Variants in FMN1 observed in about 807,000 individuals in gnomAD.
FMN1 encodes the protein formin-1.
In FMN1, 110 loss-of-function variants were observed where a neutral mutation model predicts 132.4. The observed-to-expected ratio is 0.83, with a 90% confidence interval of 0.71 to 0.97. The LOEUF (loss-of-function observed/expected upper bound fraction) is 0.97. FMN1 is among the 50% of genes least tolerant of loss of function. FMN1 has a pLI of 0.00. For missense variants in FMN1, 1,792 were observed against 1,705.3 expected (o/e 1.05, Z -0.90); for synonymous variants, 722 against 651.7 (o/e 1.11, Z -1.64).
rs2140856162 is a variant in FMN1, at chr15:32,774,280, C to T, written c.*30G>A. The T allele has an allele frequency of 1.3e-6, 2 of 1,573,396 alleles. No homozygotes were observed. Among genetic ancestry groups the T allele is most frequent in the Non-Finnish European group, 1.7e-6 (2 of 1,149,514 alleles). On this transcript the variant is annotated 3_prime_UTR_variant, in exon 21 of 21. Transcript: ENST00000616417. Reference sequence around the variant, plus strand: ...AGTATGCGTGCAAGGTCCTCCACCTCCAGTGCCATCATTTCCATGTGTCTT... The same window carrying T: ...AGTATGCGTGCAAGGTCCTCCACCTTCAGTGCCATCATTTCCATGTGTCTT...
intron 4 of FMN1, among the ~76,000 whole-genome samples, chr15:33,132,371 G>T (rs145798605): frequency 0.014 from 2,105 of 152,268 alleles, 32 homozygotes; most frequent in Non-Finnish European, 0.022. Flanking sequence ...GAAAGAATCA[G>T]CTAGTCTTTC....
At chr15:32,957,013 G>C (rs981329847) in intron 9 of FMN1, among the ~76,000 whole-genome samples, 2 of 152,050 alleles carry the variant, frequency 1.3e-5, no homozygotes, top group Non-Finnish European at 2.9e-5. Context: ...CAACAGACTA[G>C]TATCTGCTGA....
chr15:32,992,248 C>T (rs986477540), intron 7 of FMN1, among the ~76,000 whole-genome samples: 3 of 152,088 alleles, frequency 2.0e-5, no homozygotes, highest in Non-Finnish European at 4.4e-5. Flanking sequence ...TGGAATTTTA[C>T]AGAAAAATAA....
chr15:33,121,871 AAAAC>A (rs1460765703), intron 4 of FMN1, among the ~76,000 whole-genome samples: 1 of 152,178 alleles, frequency 6.6e-6, no homozygotes, highest in Non-Finnish European at 1.5e-5. Context: ...TAGGAATTTG[AAAAC>A]AAAAAGAAAG....
At chr15:33,066,591 T>C in intron 5 of FMN1, 1 of 1,613,500 alleles carries the variant, frequency 6.2e-7, no homozygotes, top group Non-Finnish European at 8.5e-7. Flanking sequence ...TTCTCATGTC[T>C]CATCTTGCGC....
At position 32,874,322 on chromosome 15, in the gene FMN1, A is replaced by G. The variant is rs192373277; in HGVS notation, c.3835+13850T>C. ...AGGTGTGAGCCACCAAGCCCGGCCT[A>G]TATTAGCTATATATAGCGAATATCA... On this transcript the variant is annotated intron_variant, in intron 16 of 20. Coordinates refer to ENST00000616417, the MANE Select transcript of FMN1 (RefSeq NM_001277313.2). Among the ~76,000 whole-genome samples, 151 of 152,272 alleles carry G rather than the reference A, an allele frequency of 9.9e-4. 4 individuals carry two copies. The highest frequency in any genetic ancestry group is 5.8e-4 in the East Asian group (3 of 5,180).
intron 4 of FMN1, among the ~76,000 whole-genome samples, chr15:33,124,821 T>C (rs979332001): frequency 1.3e-4 from 19 of 150,562 alleles, no homozygotes; most frequent in African/African-American, 4.6e-4. Context: ...CAATACTAGA[T>C]GAAAAAAATG....
In FMN1 at chr15:33,169,996, A is replaced by AAGACGCATTT. The variant is rs564601480; in HGVS notation, c.-132+10201_-132+10202insAAATGCGTCT. On this transcript the variant is annotated intron_variant, in intron 3 of 20. Transcript: ENST00000616417. Reference sequence around the variant, plus strand: ...TCTCAAAAAGCCCAATACCATCAGAAGAAAGACGCATTTAGCTGCATTTAT... The same window carrying AAGACGCATTT: ...TCTCAAAAAGCCCAATACCATCAGAAAGACGCATTTGAAAGACGCATTTAGCTGCATTTAT... 1.9e-4 allele frequency among the ~76,000 whole-genome samples: 29 copies of AAGACGCATTT among 152,236 alleles called. No homozygotes were observed. In the South Asian group the frequency reaches 5.2e-3, roughly 27 times the overall value.
rs191331812 is a variant in FMN1, at chr15:33,053,383, A to G, written c.2161+11574T>C. ...TGGGCACTGCACAGAAGTTGCTCCT[A>G]TGTTGGCACTTGGAGCTGCCAGCCA... is the stretch of plus-strand genomic sequence containing the variant. On this transcript the variant is annotated intron_variant, in intron 6 of 20. Transcript: ENST00000616417. 1.3e-3 allele frequency among the ~76,000 whole-genome samples: 198 copies of G among 152,300 alleles called. 1 individual carries two copies. Among genetic ancestry groups the G allele is most frequent in the African/African-American group, 4.6e-3 (192 of 41,576 alleles).
chr15:33,020,364 G>A (rs1014339123), intron 6 of FMN1, among the ~76,000 whole-genome samples: 6 of 140,910 alleles, frequency 4.3e-5, no homozygotes, highest in Non-Finnish European at 7.8e-5. Context: ...ATAAGACTAT[G>A]TGGCCAGGCG....
chr15:33,109,329 A>C (rs1375710016), intron 4 of FMN1, among the ~76,000 whole-genome samples: 1 of 152,130 alleles, frequency 6.6e-6, no homozygotes, highest in Non-Finnish European at 1.5e-5. Flanking sequence ...ATAAAAATAA[A>C]CAACCAATGA....
chr15:33,062,438 G>A (rs752983321), intron 6 of FMN1, among the ~76,000 whole-genome samples: 7 of 152,056 alleles, frequency 4.6e-5, no homozygotes, highest in Non-Finnish European at 7.4e-5. Flanking sequence ...TGGCCAACAC[G>A]GTGAAACCCC....
chr15:33,076,747 A>G (rs1161320514), intron 5 of FMN1, among the ~76,000 whole-genome samples: 2 of 152,210 alleles, frequency 1.3e-5, no homozygotes, highest in Admixed American at 6.5e-5. Context: ...GTTTCTTTTC[A>G]TGACAATAAA....
intron 4 of FMN1, among the ~76,000 whole-genome samples, chr15:33,143,210 T>C (rs534022099): frequency 1.3e-5 from 2 of 152,298 alleles, no homozygotes; most frequent in South Asian, 4.1e-4. Flanking sequence ...CAGAGATGAA[T>C]AGTTTCAAGG....
chr15:32,963,951 T>C (rs1275115696), intron 9 of FMN1, among the ~76,000 whole-genome samples, 156 bp downstream of exon 9: 2 of 140,158 alleles, frequency 1.4e-5, no homozygotes, highest in Non-Finnish European at 3.1e-5. Flanking sequence ...ACACACAGAA[T>C]ATGTAATAAA....
At chr15:32,995,768 C>T (rs1260633201) in intron 7 of FMN1, among the ~76,000 whole-genome samples, 1 of 152,144 alleles carries the variant, frequency 6.6e-6, no homozygotes, top group African/African-American at 2.4e-5. Flanking sequence ...TTTTAACACG[C>T]AATTATCTTA....
chr15:32,891,352 A>T (rs1269085554), intron 15 of FMN1, among the ~76,000 whole-genome samples: 1 of 152,154 alleles, frequency 6.6e-6, no homozygotes, highest in East Asian at 1.9e-4. Context: ...GGTTCACGCC[A>T]TTCTCCTGCC....
At chr15:33,165,737 A>G (rs1965081820) in intron 3 of FMN1, among the ~76,000 whole-genome samples, 1 of 151,934 alleles carries the variant, frequency 6.6e-6, no homozygotes. Context: ...TTGTAACCCC[A>G]TTTTATAGAG....
chr15:32,881,527 C>T (rs550550112), intron 16 of FMN1, among the ~76,000 whole-genome samples: 1 of 152,148 alleles, frequency 6.6e-6, no homozygotes, highest in African/African-American at 2.4e-5. Context: ...CAATCAATGA[C>T]GTTTCCACCA....
Sources: allele counts gnomAD v4.1 joint callset (sites outside exome capture counted in the v4.1 genomes callset), GRCh38; gene constraint gnomAD v4.1.1; transcripts MANE v1.5; gene names NCBI Gene and HGNC (gene_info 2026-07-23, HGNC 2026-07-21).